The following TMCO1 variants were observed in gnomAD, a reference collection of about 807,000 sequenced individuals.
TMCO1 encodes the protein transmembrane and coiled-coil domains 1, also known as calcium load-activated calcium channel.
Under a neutral mutation model 29.3 loss-of-function variants are expected in TMCO1, and 29 were observed. The observed-to-expected ratio is 0.99, with a 90% confidence interval of 0.74 to 1.35. The LOEUF (loss-of-function observed/expected upper bound fraction) is 1.35. Among genes scored for constraint, TMCO1 ranks in the 40% most tolerant of loss-of-function variants. TMCO1 has a pLI of 0.00. For synonymous variants in TMCO1, 80 were observed against 77.1 expected (o/e 1.04, Z -0.20); for missense variants, 173 against 225.5 (o/e 0.77, Z 1.49).
downstream of TMCO1, chr1:165,725,521 G>A: frequency 2.2e-6 from 1 of 454,110 alleles, no homozygotes. Context: ...TGCAACCTGA[G>A]TAGACTAATG....
intron 3 of TMCO1, among the ~76,000 whole-genome samples, chr1:165,758,075 C>T (rs1652262344): frequency 5.3e-5 from 8 of 152,156 alleles, no homozygotes; most frequent in Admixed American, 3.9e-4. Flanking sequence ...TGTCCCCCAT[C>T]ATGCCACTGA....
chr1:165,759,167 C>T (rs1343827306), intron 3 of TMCO1, among the ~76,000 whole-genome samples: 1 of 152,088 alleles, frequency 6.6e-6, no homozygotes, highest in African/African-American at 2.4e-5. Context: ...AGTAAGGAAG[C>T]CATGGAAACA....
At chr1:165,731,141 C>T (rs536969133) in intron 6 of TMCO1, among the ~76,000 whole-genome samples, 57 of 152,058 alleles carry the variant, frequency 3.7e-4, no homozygotes, top group Non-Finnish European at 5.4e-4. Context: ...CTTCGTGATC[C>T]GCCTGTCTCA....
At chr1:165,725,682 T>G (rs756501627), downstream of TMCO1, 1 of 454,090 alleles carries the variant, frequency 2.2e-6, no homozygotes, top group South Asian at 1.6e-5. Context: ...GGACCTAGAG[T>G]GTCATCCAAA....
At chr1:165,762,462 A>G (rs923661730) in intron 2 of TMCO1, among the ~76,000 whole-genome samples, 3 of 152,184 alleles carry the variant, frequency 2.0e-5, no homozygotes, top group African/African-American at 7.2e-5. Flanking sequence ...TAGAGAATAG[A>G]AACATAAGAC....
rs761772681 is a variant in TMCO1 at position 165,726,911 on chromosome 1, T to C, written c.*1112A>G. The C allele has an allele frequency of 6.6e-6, 3 of 454,126 alleles. No individual in the cohort carries two copies. The highest frequency in any genetic ancestry group is 1.3e-5 in the Non-Finnish European group (3 of 226,784). The allele number at this position is 454,126 out of a possible 1,614,324, so 28.1% of individuals were successfully genotyped here. The stretch of plus-strand genomic sequence containing the variant: ...CTTTTCTACTGTCTTCTGGACTTTA[T>C]GGTGCTGATAAGAAAGAAGTTTGCT... On this transcript the variant is annotated 3_prime_UTR_variant, in exon 7 of 7. Transcript: ENST00000367881.
intron 2 of TMCO1, among the ~76,000 whole-genome samples, chr1:165,766,434 T>G (rs1188759491): frequency 2.6e-5 from 4 of 152,132 alleles, no homozygotes; most frequent in African/African-American, 7.2e-5. Flanking sequence ...AAACTAAATT[T>G]TGTGTCACTC....
chr1:165,743,142 T>A, intron 6 of TMCO1, 25 bp downstream of exon 6: 1 of 1,613,206 alleles, frequency 6.2e-7, no homozygotes, highest in Non-Finnish European at 8.5e-7. Context: ...AATATACATA[T>A]TAAATGGTAG....
chr1:165,753,385 A>G (rs552724861), intron 4 of TMCO1, among the ~76,000 whole-genome samples: 93 of 146,472 alleles, frequency 6.3e-4, no homozygotes, highest in Non-Finnish European at 5.4e-4. Context: ...AGGTAGGAGG[A>G]GCGCACAAGC....
rs1287053519 is a variant in TMCO1 at position 165,726,929 on chromosome 1, A to C, written c.*1094T>G. On this transcript the variant is annotated 3_prime_UTR_variant, in exon 7 of 7. Transcript: ENST00000367881. The stretch of plus-strand genomic sequence containing the variant: ...GACTTTATGGTGCTGATAAGAAAGA[A>C]GTTTGCTGTTGGTTTAACAATGATT... 1 of 454,094 alleles carries C rather than the reference A, an allele frequency of 2.2e-6. No individual in the cohort carries two copies. The highest frequency in any genetic ancestry group is 1.6e-5 in the South Asian group (1 of 64,464). 28.1% of individuals were successfully genotyped at this position (454,094 alleles called of 1,614,324 possible). A position where few individuals can be genotyped will look rare whatever the true frequency, so the allele number is the denominator to read the frequency against.
chr1:165,744,566 C>T (rs1238705706), intron 5 of TMCO1, among the ~76,000 whole-genome samples: 4 of 151,986 alleles, frequency 2.6e-5, no homozygotes, highest in African/African-American at 7.2e-5. Flanking sequence ...CCAAGGCAGG[C>T]GGATCACCTG....
At chr1:165,745,858 T>C (rs1014770208) in intron 5 of TMCO1, among the ~76,000 whole-genome samples, 2 of 152,132 alleles carry the variant, frequency 1.3e-5, no homozygotes, top group African/African-American at 4.8e-5. Flanking sequence ...AAAACATGAA[T>C]ACAGCACTAA....
chr1:165,744,790 C>CA (rs558392976), intron 5 of TMCO1, among the ~76,000 whole-genome samples: 24,673 of 103,744 alleles, frequency 0.24, 3,115 homozygotes, highest in East Asian at 0.54. Flanking sequence ...AACTCCATCT[C>CA]AAAAAAAAAA....
intron 5 of TMCO1, among the ~76,000 whole-genome samples, chr1:165,746,210 G>A (rs1651789301): frequency 6.6e-6 from 1 of 151,508 alleles, no homozygotes; most frequent in African/African-American, 2.4e-5. Flanking sequence ...TTGGGAGGCT[G>A]AGGCAGAAGA....
At chr1:165,751,618 C>T (rs778345044) in intron 5 of TMCO1, among the ~76,000 whole-genome samples, 7 of 151,594 alleles carry the variant, frequency 4.6e-5, no homozygotes, top group Admixed American at 1.3e-4. Flanking sequence ...ATAGGAGAAT[C>T]GCTTGAACGC....
chr1:165,737,515 A>G (rs1651435535), intron 6 of TMCO1, among the ~76,000 whole-genome samples: 1 of 152,186 alleles, frequency 6.6e-6, no homozygotes, highest in Non-Finnish European at 1.5e-5. Flanking sequence ...CATAAGTCCT[A>G]GCAGGAAAAA....
intron 5 of TMCO1, among the ~76,000 whole-genome samples, chr1:165,745,410 G>A (rs1051321065): frequency 6.8e-6 from 1 of 147,694 alleles, no homozygotes; most frequent in Non-Finnish European, 1.5e-5. Flanking sequence ...GCCGAGGCAG[G>A]AGGATCACTT....
At chr1:165,735,646 C>A (rs1226622515) in intron 6 of TMCO1, among the ~76,000 whole-genome samples, 2 of 151,752 alleles carry the variant, frequency 1.3e-5, no homozygotes, top group African/African-American at 4.8e-5. Context: ...TCCTGAGTAT[C>A]TGGGATTACA....
At chr1:165,753,762 G>A (rs1288649744) in intron 4 of TMCO1, among the ~76,000 whole-genome samples, 2 of 152,110 alleles carry the variant, frequency 1.3e-5, no homozygotes, top group African/African-American at 4.8e-5. Context: ...AGTGAGCTCT[G>A]ATCGTGCTAC....
Sources: allele counts gnomAD v4.1 joint callset (sites outside exome capture counted in the v4.1 genomes callset), GRCh38; gene constraint gnomAD v4.1.1; transcripts MANE v1.5; gene names NCBI Gene and HGNC (gene_info 2026-07-23, HGNC 2026-07-21).